JADE3: variants seen among roughly 807,000 people sequenced by gnomAD.
JADE3 encodes the protein jade family PHD finger 3, also known as protein Jade-3.
JADE3 carries 2 observed loss-of-function variants against 50.1 expected under a neutral mutation model. The observed-to-expected ratio is 0.04, with a 90% confidence interval of 0.02 to 0.13. The LOEUF (loss-of-function observed/expected upper bound fraction) is 0.13, where lower values mean the gene tolerates loss of function less well. Among genes scored for constraint, JADE3 ranks in the 10% least tolerant of loss-of-function variants. The probability of loss-of-function intolerance (pLI) is 1.00; values close to 1 mark genes in which losing one functional copy is unlikely to be tolerated. For missense variants in JADE3, 475 were observed against 634.4 expected, an observed-to-expected ratio of 0.75 and a Z score of 2.70; for synonymous variants, 218 against 232.9, an observed-to-expected ratio of 0.94 and a Z score of 0.58.
intron 1 of JADE3, among the ~76,000 whole-genome samples, chrX:46,971,791 G>A (rs373151439): frequency 9.8e-6 from 1 of 101,533 alleles, no homozygotes; most frequent in Non-Finnish European, 2.0e-5. Flanking sequence ...GCGAGACTCC[G>A]TCTAAAAAAA....
At chrX:46,914,050 A>G (rs1183906183) in intron 1 of JADE3, among the ~76,000 whole-genome samples, 1 of 111,891 alleles carries the variant, frequency 8.9e-6, no homozygotes, top group East Asian at 2.8e-4. Context: ...TCAGTCTGAT[A>G]AAGTGAACTG....
At chrX:46,917,711 G>A (rs1556336638) in intron 1 of JADE3, among the ~76,000 whole-genome samples, 1 of 109,610 alleles carries the variant, frequency 9.1e-6, no homozygotes, top group Non-Finnish European at 1.9e-5. Flanking sequence ...AGGGCCTTAC[G>A]GGACCTCATT....
At chrX:46,981,006 C>G (rs1471251923) in intron 1 of JADE3, among the ~76,000 whole-genome samples, 1 of 110,630 alleles carries the variant, frequency 9.0e-6, no homozygotes, top group Non-Finnish European at 1.9e-5. Context: ...TGTTGTTTGC[C>G]TTGAAGATGG....
intron 1 of JADE3, among the ~76,000 whole-genome samples, chrX:46,952,512 C>G (rs1215832648): frequency 8.9e-6 from 1 of 112,206 alleles, no homozygotes; most frequent in African/African-American, 3.2e-5. Flanking sequence ...GAAGTGGAGG[C>G]CTTCCCAGGA....
intron 3 of JADE3, among the ~76,000 whole-genome samples, chrX:46,992,886 TG>T (rs1463616963): frequency 2.7e-5 from 3 of 111,995 alleles, no homozygotes; most frequent in African/African-American, 9.8e-5. Flanking sequence ...ATCCCCTGTA[TG>T]GTTCAGGGGC....
At chrX:46,972,565 T>C (rs1927522610) in intron 1 of JADE3, among the ~76,000 whole-genome samples, 1 of 111,314 alleles carries the variant, frequency 9.0e-6, no homozygotes, top group African/African-American at 3.3e-5. Context: ...AGAAGTGTGA[T>C]GTTTAGTTTC....
chrX:47,035,880 C>T (rs1049712497), intron 7 of JADE3, among the ~76,000 whole-genome samples: 5 of 111,732 alleles, frequency 4.5e-5, no homozygotes, highest in Non-Finnish European at 9.4e-5. Context: ...TGGTGACTCA[C>T]GCCTATAATC....
At chrX:47,004,214 G>T (rs112753053) in intron 4 of JADE3, among the ~76,000 whole-genome samples, 1 of 111,186 alleles carries the variant, frequency 9.0e-6, no homozygotes, top group Non-Finnish European at 1.9e-5. Context: ...GCAGGAGCCA[G>T]TGCACCCAAC....
At chrX:46,920,043 G>C (rs1416693590) in intron 1 of JADE3, among the ~76,000 whole-genome samples, 2 of 111,233 alleles carry the variant, frequency 1.8e-5, no homozygotes, top group Non-Finnish European at 3.8e-5. Context: ...CAAGCAGGTA[G>C]AGGGTGAGAG....
intron 1 of JADE3, among the ~76,000 whole-genome samples, chrX:46,962,164 C>T (rs781842558): frequency 7.5e-4 from 84 of 111,452 alleles, no homozygotes; most frequent in African/African-American, 2.7e-3. Context: ...AACTGCCTCA[C>T]CACTCTAGTC....
At chrX:46,975,714 CTTTTTTTTT>C (rs782578317) in intron 1 of JADE3, among the ~76,000 whole-genome samples, 4 of 40,518 alleles carry the variant, frequency 9.9e-5, no homozygotes, top group African/African-American at 2.2e-4. Context: ...TTTTCTTTTT[CTTTTTTTTT>C]TTTTTTTTTT....
At chrX:46,983,995 G>T (rs560788964) in intron 1 of JADE3, among the ~76,000 whole-genome samples, 1 of 111,860 alleles carries the variant, frequency 8.9e-6, no homozygotes, top group Non-Finnish European at 1.9e-5. Context: ...GAAGGCAGTA[G>T]CCCTGACCTT....
At chrX:46,934,597 CT>C (rs1321549567) in intron 1 of JADE3, among the ~76,000 whole-genome samples, 3 of 108,660 alleles carry the variant, frequency 2.8e-5, no homozygotes, top group Non-Finnish European at 1.9e-5. Context: ...CGCGCCCGGC[CT>C]TTTTTTTTGT....
intron 1 of JADE3, among the ~76,000 whole-genome samples, chrX:46,965,842 T>C (rs1158363216): frequency 9.0e-6 from 1 of 111,516 alleles, no homozygotes; most frequent in Non-Finnish European, 1.9e-5. Context: ...GATGAGGACC[T>C]TAATAAAGAT....
intron 1 of JADE3, among the ~76,000 whole-genome samples, chrX:46,968,387 A>G (rs371624201): frequency 2.7e-5 from 3 of 111,402 alleles, no homozygotes; most frequent in East Asian, 2.8e-4. Flanking sequence ...ATTCCAATTC[A>G]AAGTAATGAT....
At position 47,054,513 on chromosome X, in the gene JADE3, A is replaced by G. The variant is rs782223139; in HGVS notation, c.1328A>G (p.Asn443Ser). Residue 443 changes from asparagine to serine, a missense_variant, in exon 9 of 11, where the codon AAT becomes AGT. Coordinates refer to ENST00000614628, the MANE Select transcript of JADE3 (RefSeq NM_014735.5). ...YWKLKRKSNF[N>S]KPLFPPKEDE... ...AAACTGAAGCGGAAAAGTAACTTCA[A>G]TAAGCCATTATTTCCTCCAAAGGAG... 102 of 1,208,195 alleles carry G rather than the reference A, an allele frequency of 8.4e-5. No individual in the cohort carries two copies. Among genetic ancestry groups the G allele is most frequent in the Non-Finnish European group, 1.1e-4 (99 of 893,338 alleles).
chrX:47,012,217 T>G (rs781979040), intron 4 of JADE3, among the ~76,000 whole-genome samples: 234 of 111,731 alleles, frequency 2.1e-3, no homozygotes, highest in Non-Finnish European at 3.2e-3. Context: ...GAAATATGAT[T>G]TGCAAATATT....
intron 1 of JADE3, among the ~76,000 whole-genome samples, chrX:46,976,198 T>C (rs1556351586): frequency 1.8e-5 from 2 of 111,462 alleles, no homozygotes; most frequent in African/African-American, 6.5e-5. Context: ...CATGGGTATA[T>C]AGTAGGAAAG....
chrX:47,058,460 T>G lies in JADE3; in HGVS notation c.1855T>G (p.Ser619Ala). Residue 619 changes from serine to alanine, a missense_variant, in exon 11 of 11, where the codon TCC (serine) becomes GCC (alanine). Transcript: ENST00000614628. Reference sequence around the variant, plus strand: ...CCATTCTAGGAGTGAAGCAAAGGAGTCCAGTCCTGCTTGGAGAACCCCGTC... The same window carrying G: ...CCATTCTAGGAGTGAAGCAAAGGAGGCCAGTCCTGCTTGGAGAACCCCGTC... ...LSHSRSEAKE[S>A]SPAWRTPSSE... The G allele has an allele frequency of 4.1e-6, 5 of 1,210,661 alleles. No homozygotes were observed. Among genetic ancestry groups the G allele is most frequent in the Non-Finnish European group, 5.6e-6 (5 of 895,121 alleles).
Sources: gnomAD v4.1 joint callset for allele counts (sites outside exome capture counted in the v4.1 genomes callset) on GRCh38, gnomAD v4.1.1 for gene constraint, MANE v1.5 for transcripts, NCBI Gene and HGNC (gene_info 2026-07-23, HGNC 2026-07-21) for gene names.